NUP98: variants seen among roughly 807,000 people sequenced by gnomAD.
NUP98 encodes nucleoporin 98 and 96 precursor, also known as nuclear pore complex protein Nup98-Nup96.
A neutral mutation model predicts 191.9 loss-of-function variants in NUP98; 26 were observed. The observed-to-expected ratio is 0.14, with a 90% CI of 0.10 to 0.19. The LOEUF (loss-of-function observed/expected upper bound fraction) is 0.19, where lower values mean the gene tolerates loss of function less well. NUP98 is among the 10% of genes least tolerant of loss of function. The pLI is 1.00. For missense variants in NUP98, 1,941 were observed against 2,178.8 expected (o/e 0.89, Z 2.17); for synonymous variants, 808 against 778.4 (o/e 1.04, Z -0.63).
chr11:3,793,258 A>G (rs946511490), intron 1 of NUP98, among the ~76,000 whole-genome samples: 5 of 152,164 alleles, frequency 3.3e-5, no homozygotes, highest in South Asian at 2.1e-4. Flanking sequence ...AAAACAACAT[A>G]ATATATGTCA....
intron 1 of NUP98, among the ~76,000 whole-genome samples, chr11:3,793,247 C>G (rs11029772): frequency 0.28 from 43,336 of 152,066 alleles, 6,870 homozygotes; most frequent in African/African-American, 0.41. Flanking sequence ...ATACTTCAAA[C>G]AAAACAACAT....
intron 2 of NUP98, among the ~76,000 whole-genome samples, chr11:3,780,516 T>TG (rs2081927035): frequency 8.0e-6 from 1 of 125,250 alleles, no homozygotes; most frequent in South Asian, 2.5e-4. Flanking sequence ...CACTCCATCC[T>TG]GGGTGACAGA....
At chr11:3,714,043 CAT>C in intron 18 of NUP98, 48 bp from the exon 19 acceptor site, 1 of 1,574,016 alleles carries the variant, frequency 6.4e-7, no homozygotes, top group Non-Finnish European at 8.7e-7. Flanking sequence ...AAAAGCGCTT[CAT>C]ATATAAGACC....
Position 3,676,222 on chromosome 11 carries a change from G to A in NUP98, c.5340C>T (p.Ala1780=). 4 of 1,614,162 alleles carry A rather than the reference G, an allele frequency of 2.5e-6. No homozygotes were observed. In the South Asian group the frequency reaches 4.4e-5, roughly 18 times the overall value. Residue 1780 remains alanine, a synonymous_variant, in exon 33 of 33, where the codon GCC becomes GCT. Transcript: ENST00000324932. ...GGGTAAGGCTGCGCAGTTCGTCCAT[G>A]GCATAGTCCTCAGGCATGGGAAGCC... is the stretch of plus-strand genomic sequence containing the variant. ...IGRLPMPEDY[A]MDELRSLTQS...
intron 25 of NUP98, among the ~76,000 whole-genome samples, chr11:3,695,971 T>A (rs1222290878): frequency 6.6e-6 from 1 of 151,864 alleles, no homozygotes; most frequent in Non-Finnish European, 1.5e-5. Flanking sequence ...GGAGGTGGAT[T>A]ACTTGAAGTC....
intron 7 of NUP98, among the ~76,000 whole-genome samples, chr11:3,770,493 A>G (rs2133901260): frequency 6.6e-6 from 1 of 151,946 alleles, no homozygotes; most frequent in Non-Finnish European, 1.5e-5. Context: ...TCTCAAGAAA[A>G]GAAAAGAAAA....
At chr11:3,796,375 C>T (rs940023289) in intron 1 of NUP98, among the ~76,000 whole-genome samples, 2 of 152,324 alleles carry the variant, frequency 1.3e-5, no homozygotes, top group South Asian at 4.1e-4. Context: ...TCCTCATCAG[C>T]TGACACAAGT....
At chr11:3,680,670 C>G (rs529319513) in intron 30 of NUP98, among the ~76,000 whole-genome samples, 52 of 151,922 alleles carry the variant, frequency 3.4e-4, no homozygotes, top group African/African-American at 1.2e-3. Flanking sequence ...CTCAGCCTCC[C>G]GAATAGCTGC....
chr11:3,744,360 TTAA>T (rs1265063403), intron 12 of NUP98, 146 bp downstream of exon 12: 2 of 712,292 alleles, frequency 2.8e-6, no homozygotes. Context: ...CCAGGATCTA[TTAA>T]TAAGCCCTTC....
chr11:3,705,659 C>T (rs574422356), intron 21 of NUP98, among the ~76,000 whole-genome samples: 1 of 152,162 alleles, frequency 6.6e-6, no homozygotes, highest in South Asian at 2.1e-4. Flanking sequence ...ACATAACACA[C>T]CAAAAGGCAC....
At chr11:3,780,484 G>A (rs373743099) in intron 2 of NUP98, among the ~76,000 whole-genome samples, 20 of 143,944 alleles carry the variant, frequency 1.4e-4, no homozygotes, top group East Asian at 4.1e-4. Flanking sequence ...GGAAGTCGCC[G>A]TGAGCTGAGA....
At chr11:3,747,935 T>C (rs2080569328) in intron 11 of NUP98, among the ~76,000 whole-genome samples, 2 of 152,190 alleles carry the variant, frequency 1.3e-5, no homozygotes, top group South Asian at 4.1e-4. Flanking sequence ...CAACAGTGTG[T>C]GTGCTTGCTG....
Position 3,679,563 on chromosome 11 carries a change from A to T in NUP98, c.5064T>A (p.His1688Gln). The stretch of plus-strand genomic sequence containing the variant: ...TCAGGATCTCAGGTACCTGCTGTAT[A>T]TGGCGGAGCATTTCAATGACTCTAA... The part of the protein sequence containing the change: ...DYIRVIEMLR[H>Q]IQQVDCSGND... Residue 1688 changes from histidine (H) to glutamine (Q), a missense_variant, in exon 31 of 33, where the codon CAT becomes CAA. Transcript: ENST00000324932. 6.2e-7 allele frequency: 1 copy of T among 1,614,210 alleles called. No homozygotes were observed. The highest frequency in any genetic ancestry group is 1.1e-5 in the South Asian group (1 of 91,086).
At chr11:3,743,996 T>G (rs2080393147) in intron 12 of NUP98, among the ~76,000 whole-genome samples, 2 of 151,962 alleles carry the variant, frequency 1.3e-5, no homozygotes, top group South Asian at 2.1e-4. Flanking sequence ...GAGGTGGAGG[T>G]TGCAGTGAGC....
intron 28 of NUP98, among the ~76,000 whole-genome samples, chr11:3,688,749 C>A (rs2078207120): frequency 6.7e-6 from 1 of 148,318 alleles, no homozygotes; most frequent in African/African-American, 2.5e-5. Context: ...GAGGCAAGAT[C>A]ACGCCACTGC....
At chr11:3,796,023 C>A (rs1023182127) in intron 1 of NUP98, among the ~76,000 whole-genome samples, 9 of 152,196 alleles carry the variant, frequency 5.9e-5, no homozygotes, top group Non-Finnish European at 1.3e-4. Context: ...TTATCCTGTC[C>A]AACCTCTAGT....
At chr11:3,779,678 T>C (rs1329887975) in intron 2 of NUP98, among the ~76,000 whole-genome samples, 1 of 151,300 alleles carries the variant, frequency 6.6e-6, no homozygotes, top group African/African-American at 2.4e-5. Flanking sequence ...GAACTACTAG[T>C]CTAATTAAAA....
In NUP98 at chr11:3,683,064, G is replaced by A. The variant is rs369447205; in HGVS notation, c.4918+136C>T. 1.2e-5 allele frequency: 16 copies of A among 1,295,490 alleles called. No homozygotes were observed. The African/African-American group carries it at 1.8e-4, about 14-fold the overall frequency. The allele number at this position is 1,295,490 out of a possible 1,614,324, so 80.2% of individuals were successfully genotyped here. A position where few individuals can be genotyped will look rare whatever the true frequency, so the allele number is the denominator to read the frequency against. ...CCTGGCTAAGCCTCTTCTGCAGAGA[G>A]CTTTTGCAAAGTATGATTTGATTCA... On this transcript the variant is annotated intron_variant, in intron 30 of 32. Coordinates refer to ENST00000324932, the MANE Select transcript of NUP98 (RefSeq NM_016320.5).
In NUP98 at chr11:3,713,922, G is replaced by A. The variant is rs995865657; in HGVS notation, c.2473C>T (p.Arg825Cys). The A allele has an allele frequency of 3.7e-6, 6 of 1,613,954 alleles. No homozygotes were observed. The highest frequency in any genetic ancestry group is 1.6e-4 in the Middle Eastern group (1 of 6,080). ...CCTTCATAGTTGATATCAGCAAGGC[G>A]ATCTGGGCTCTTTATTAAACAACGA... ...TSRCLIKSPD[R>C]LADINYEGRL... Residue 825 changes from arginine to cysteine, a missense_variant, in exon 19 of 33, where the codon CGC becomes TGC. Transcript: ENST00000324932.
Sources: allele counts gnomAD v4.1 joint callset (sites outside exome capture counted in the v4.1 genomes callset), GRCh38; gene constraint gnomAD v4.1.1; transcripts MANE v1.5; gene names NCBI Gene and HGNC (gene_info 2026-07-23, HGNC 2026-07-21).